Variants in SFI1 observed in about 807,000 individuals in gnomAD.
The protein encoded by SFI1 is protein SFI1 homolog.
In SFI1, 195 loss-of-function variants were observed where a neutral mutation model predicts 207.5. The observed-to-expected ratio is 0.94, with a 90% CI of 0.84 to 1.06. The LOEUF (loss-of-function observed/expected upper bound fraction) is 1.06. Among genes scored for constraint, SFI1 ranks in the 50% least tolerant of loss-of-function variants. The pLI is 0.00. For missense variants in SFI1, 1,634 were observed against 1,588.0 expected, an observed-to-expected ratio of 1.03 and a Z score of -0.49; for synonymous variants, 630 against 598.9, an observed-to-expected ratio of 1.05 and a Z score of -0.76.
At chr22:31,589,389 A>T in intron 14 of SFI1, 58 bp from the exon 15 acceptor site, 39 of 1,337,170 alleles carry the variant, frequency 2.9e-5, no homozygotes, top group Non-Finnish European at 3.7e-5. Flanking sequence ...TGACCCTGAG[A>T]GGTCATGTTT....
At position 31,589,597 on chromosome 22, in the gene SFI1, T is replaced by G; in HGVS notation, c.1544+20T>G. Reference sequence around the variant, plus strand: ...CCACAGGTATGTTGCGCAGCTCCTGTCTGCACTGGGGCAGGTGTTTCAAAT... The same window carrying G: ...CCACAGGTATGTTGCGCAGCTCCTGGCTGCACTGGGGCAGGTGTTTCAAAT... On this transcript the variant is annotated intron_variant, in intron 15 of 32. Coordinates refer to ENST00000400288, the MANE Select transcript of SFI1 (RefSeq NM_001007467.3). 6.2e-7 allele frequency: 1 copy of G among 1,603,486 alleles called. No individual in the cohort carries two copies. The highest frequency in any genetic ancestry group is 8.5e-7 in the Non-Finnish European group (1 of 1,176,306).
intron 15 of SFI1, among the ~76,000 whole-genome samples, chr22:31,600,992 C>T (rs951174287): frequency 3.9e-5 from 6 of 152,172 alleles, no homozygotes; most frequent in African/African-American, 1.4e-4. Flanking sequence ...GTGGCTTCAC[C>T]AACATGTAGC....
In SFI1 at chr22:31,561,351, G is replaced by A. The variant is rs1298405781; in HGVS notation, c.724G>A (p.Ala242Thr). Residue 242 changes from alanine to threonine, a missense_variant, in exon 8 of 33, where the codon GCC becomes ACC. Physicochemically the swap from Ala to Thr is moderately conservative, Grantham distance 58 (BLOSUM62 0). Coordinates refer to ENST00000400288, the MANE Select transcript of SFI1 (RefSeq NM_001007467.3). ...GQVRVSRALH[A>T]SALKHRALSL... The stretch of plus-strand genomic sequence containing the variant: ...GGTCCGTGTGAGCCGTGCCCTCCAT[G>A]CCTCTGCTTTGAAGCACAGGGCCCT... The A allele has an allele frequency of 1.2e-6, 2 of 1,614,150 alleles. No individual in the cohort carries two copies. Among genetic ancestry groups the A allele is most frequent in the African/African-American group, 1.3e-5 (1 of 75,070 alleles).
In SFI1 at chr22:31,580,344, C is replaced by T. The variant is rs372577517; in HGVS notation, c.1228C>T (p.His410Tyr). The T allele has an allele frequency of 1.9e-6, 3 of 1,613,738 alleles. No individual in the cohort carries two copies. The highest frequency in any genetic ancestry group is 2.7e-5 in the African/African-American group (2 of 74,878). ...HLQQIRRNLA[H>Y]QQHGVTLLHR... ...CCAGCAAATAAGAAGGAATCTTGCT[C>T]ACCAGCAGCATGGTGTCACGGTGAG... Residue 410 changes from histidine to tyrosine, a missense_variant, in exon 12 of 33, where the codon CAC (histidine) becomes TAC (tyrosine). Coordinates refer to ENST00000400288, the MANE Select transcript of SFI1 (RefSeq NM_001007467.3).
chr22:31,508,084 TAAAA>T (rs896638495), intron 1 of SFI1, among the ~76,000 whole-genome samples, 167 bp from the exon 2 acceptor site: 1 of 147,988 alleles, frequency 6.8e-6, no homozygotes, highest in Admixed American at 6.8e-5. Context: ...TCAAAAAAAT[TAAAA>T]AAAAAAGTAA....
intron 1 of SFI1, among the ~76,000 whole-genome samples, chr22:31,507,043 G>C (rs1425510432): frequency 6.6e-6 from 1 of 152,110 alleles, no homozygotes; most frequent in Non-Finnish European, 1.5e-5. Context: ...AGCATGAATA[G>C]CCAGGACAAT....
In SFI1 at chr22:31,528,753, T is replaced by C; in HGVS notation, c.156T>C (p.Ser52=). ...CAAAGACACTGTCCAACAAGAAGTC[T>C]TCTGCATCCTTTGGGATCCGGAGGG... The part of the protein sequence containing the change: ...YSAKTLSNKK[S]SASFGIRREL... The change falls in exon 3 of 33, where the codon TCT becomes TCC. Residue 52 remains serine (S), a synonymous_variant. Transcript: ENST00000400288. 6.2e-7 allele frequency: 1 copy of C among 1,614,230 alleles called. No homozygotes were observed. Among genetic ancestry groups the C allele is most frequent in the African/African-American group, 1.3e-5 (1 of 75,066 alleles).
In SFI1 at chr22:31,606,419, A is replaced by G. The variant is rs756405905; in HGVS notation, c.2146A>G (p.Ile716Val). 2.1e-5 allele frequency: 34 copies of G among 1,613,522 alleles called. No homozygotes were observed. Among genetic ancestry groups the G allele is most frequent in the Non-Finnish European group, 2.8e-5 (33 of 1,179,956 alleles). Residue 716 changes from isoleucine (I) to valine (V), a missense_variant, in exon 21 of 33, where the codon ATA (isoleucine) becomes GTA (valine). Coordinates refer to ENST00000400288, the MANE Select transcript of SFI1 (RefSeq NM_001007467.3). ...FQASTHYRRT[I>V]CSKVLVQWRE... is the part of the protein sequence containing the mutation. ...AGCAAGTACTCATTACAGAAGGACC[A>G]TATGTTCCAAGGTGAGGTATAAGGA...
At chr22:31,577,608 G>A (rs113920099) in intron 10 of SFI1, among the ~76,000 whole-genome samples, 5,635 of 152,200 alleles carry the variant, frequency 0.037, 128 homozygotes, top group South Asian at 0.07. Context: ...GCTGGGGGCA[G>A]TGGCTCACAC....
At chr22:31,508,228 C>A in intron 1 of SFI1, 27 bp from the exon 2 acceptor site, 1 of 1,341,494 alleles carries the variant, frequency 7.5e-7, no homozygotes, top group Non-Finnish European at 1.1e-6. Context: ...ATCATTTTCT[C>A]TCTTTTTTAT....
chr22:31,602,399 G>T (rs998783279), intron 16 of SFI1, 106 bp downstream of exon 16: 1 of 1,202,662 alleles, frequency 8.3e-7, no homozygotes, highest in Non-Finnish European at 1.2e-6. Flanking sequence ...TCACTGGAGG[G>T]CCCCTGCCTG....
chr22:31,549,649 G>C (rs985902101), intron 5 of SFI1, among the ~76,000 whole-genome samples: 1 of 152,050 alleles, frequency 6.6e-6, no homozygotes, highest in African/African-American at 2.4e-5. Flanking sequence ...ACAGGCGTGA[G>C]CTACTGTGCC....
Position 31,531,016 on chromosome 22 carries a change from T to C in SFI1, c.267-42T>C, listed in dbSNP as rs1396004700. 3.2e-6 allele frequency: 5 copies of C among 1,563,058 alleles called. No homozygotes were observed. The East Asian group carries it at 1.1e-4, about 35-fold the overall frequency. ...CAGAAAACTGCTGATGTAAGCCAAA[T>C]GGAATTTTAAAATATGTATATGCTT... On this transcript the variant is annotated intron_variant, in intron 3 of 32. Transcript: ENST00000400288.
chr22:31,523,298 A>G (rs1056305825), intron 2 of SFI1, among the ~76,000 whole-genome samples: 1 of 152,194 alleles, frequency 6.6e-6, no homozygotes, highest in Non-Finnish European at 1.5e-5. Context: ...AAGGAGGGCC[A>G]TTTACAAATG....
At chr22:31,566,720 T>A (rs1280800904) in intron 8 of SFI1, among the ~76,000 whole-genome samples, 1 of 152,244 alleles carries the variant, frequency 6.6e-6, no homozygotes, top group Non-Finnish European at 1.5e-5. Flanking sequence ...ATGCCTGGAA[T>A]GTGGAAATGC....
At chr22:31,518,027 C>G (rs1286529244) in intron 2 of SFI1, among the ~76,000 whole-genome samples, 1 of 152,182 alleles carries the variant, frequency 6.6e-6, no homozygotes, top group Non-Finnish European at 1.5e-5. Flanking sequence ...CAGTCTTCCT[C>G]TGTCGCCCAG....
chr22:31,530,506 A>AAAAAAAAAAAAAAAAC (rs1165791633), intron 3 of SFI1: 1 of 311,320 alleles, frequency 3.2e-6, no homozygotes, highest in Non-Finnish European at 6.5e-6. Flanking sequence ...AAAAAAAAAA[A>AAAAAAAAAAAAAAAAC]AAAAAAAGAC....
chr22:31,596,674 C>T (rs1179965493), intron 15 of SFI1, among the ~76,000 whole-genome samples: 2 of 151,350 alleles, frequency 1.3e-5, no homozygotes, highest in East Asian at 3.9e-4. Context: ...ATCCCAGCTA[C>T]TCGGGAGGCT....
chr22:31,551,892 A>G (rs1290308191), intron 6 of SFI1, among the ~76,000 whole-genome samples: 1 of 152,192 alleles, frequency 6.6e-6, no homozygotes, highest in Non-Finnish European at 1.5e-5. Context: ...AGGTGTATAC[A>G]GGCATTTAAT....
Sources: gnomAD v4.1 joint callset for allele counts (sites outside exome capture counted in the v4.1 genomes callset) on GRCh38, gnomAD v4.1.1 for gene constraint, MANE v1.5 for transcripts, NCBI Gene and HGNC (gene_info 2026-07-23, HGNC 2026-07-21) for gene names.